RNF38: variants seen among roughly 807,000 people sequenced by gnomAD.
RNF38 encodes E3 ubiquitin-protein ligase RNF38.
In RNF38, 15 loss-of-function variants were observed where a neutral mutation model predicts 67.2. The observed-to-expected ratio is 0.22, with a 90% confidence interval of 0.15 to 0.34. The LOEUF (loss-of-function observed/expected upper bound fraction) is 0.34, where lower values mean the gene tolerates loss of function less well. Ranked by LOEUF, RNF38 falls within the 10% of genes least tolerant of loss-of-function variation. The pLI is 1.00. For synonymous variants in RNF38, 220 were observed against 218.8 expected (o/e 1.01, Z -0.05); for missense variants, 524 against 639.9 (o/e 0.82, Z 1.95).
At chr9:36,455,313 C>T (rs915874065) in intron 1 of RNF38, among the ~76,000 whole-genome samples, 10 of 151,980 alleles carry the variant, frequency 6.6e-5, no homozygotes, top group Non-Finnish European at 1.5e-4. Flanking sequence ...CCACCTGCCT[C>T]GGCCTCCCAA....
chr9:36,347,714 T>C (rs1393815194), intron 9 of RNF38, among the ~76,000 whole-genome samples: 2 of 152,170 alleles, frequency 1.3e-5, no homozygotes, highest in Non-Finnish European at 2.9e-5. Flanking sequence ...GTTATGCCAA[T>C]TAATAACCCC....
At chr9:36,417,006 C>T (rs1838492475) in intron 2 of RNF38, among the ~76,000 whole-genome samples, 1 of 152,098 alleles carries the variant, frequency 6.6e-6, no homozygotes. Flanking sequence ...CCCACCTTGG[C>T]CTCCCAAAGT....
intron 1 of RNF38, among the ~76,000 whole-genome samples, chr9:36,486,303 C>A (rs955899680): frequency 6.6e-6 from 1 of 152,146 alleles, no homozygotes; most frequent in African/African-American, 2.4e-5. Flanking sequence ...AAACGGAAAT[C>A]CCATGTATTA....
chr9:36,373,566 G>C (rs928157162), intron 3 of RNF38, among the ~76,000 whole-genome samples: 1 of 151,032 alleles, frequency 6.6e-6, no homozygotes, highest in African/African-American at 2.4e-5. Context: ...CACCTAGGTG[G>C]TGGGTGTATG....
At chr9:36,410,706 C>T (rs2134195808) in intron 2 of RNF38, among the ~76,000 whole-genome samples, 1 of 152,330 alleles carries the variant, frequency 6.6e-6, no homozygotes, top group East Asian at 1.9e-4. Flanking sequence ...CTTTCAACAA[C>T]CCTATTTTCT....
intron 1 of RNF38, among the ~76,000 whole-genome samples, chr9:36,445,674 A>G (rs1839283396): frequency 6.6e-6 from 1 of 152,224 alleles, no homozygotes; most frequent in Non-Finnish European, 1.5e-5. Flanking sequence ...AGCTGGTAAA[A>G]GACTCCTCTA....
intron 3 of RNF38, among the ~76,000 whole-genome samples, chr9:36,371,540 A>C (rs765556640): frequency 1.4e-5 from 2 of 142,740 alleles, no homozygotes; most frequent in Non-Finnish European, 3.0e-5. Context: ...TCTGCCTCCC[A>C]GGTTCAAACG....
intron 2 of RNF38, among the ~76,000 whole-genome samples, chr9:36,422,467 CTG>C (rs1459790519): frequency 6.6e-6 from 1 of 152,064 alleles, no homozygotes; most frequent in African/African-American, 2.4e-5. Flanking sequence ...AGGCTGTAAT[CTG>C]TAACTTTTCT....
At chr9:36,381,958 T>A (rs1836243615) in intron 2 of RNF38, among the ~76,000 whole-genome samples, 1 of 152,236 alleles carries the variant, frequency 6.6e-6, no homozygotes, top group South Asian at 2.1e-4. Context: ...CAAACCTTCA[T>A]GCTTCAGAAA....
At chr9:36,405,816 G>C (rs1838163902), upstream of RNF38, among the ~76,000 whole-genome samples, 1 of 152,150 alleles carries the variant, frequency 6.6e-6, no homozygotes, top group Non-Finnish European at 1.5e-5. Flanking sequence ...AATTTGAAGG[G>C]TACCGTTGCT....
chr9:36,381,062 C>T (rs578245041), intron 2 of RNF38, among the ~76,000 whole-genome samples: 48 of 152,268 alleles, frequency 3.2e-4, no homozygotes, highest in African/African-American at 1.1e-3. Context: ...GTGTTGACTT[C>T]GAGTGGAAGT....
In RNF38 at chr9:36,390,607, C is replaced by T. The variant is rs762976779; in HGVS notation, c.22G>A (p.Gly8Arg). 5.0e-6 allele frequency: 8 copies of T among 1,613,882 alleles called. No homozygotes were observed. Among genetic ancestry groups the T allele is most frequent in the Admixed American group, 1.7e-5 (1 of 60,002 alleles). ...CCAGGTAGAGATGCTGAATTGGCCC[C>T]GGGAGATATCTGGGAAAAAGAGGAA... The part of the protein sequence containing the change: MACKISP[G>R]ANSASLPGHP... The change falls in exon 2 of 12, where the codon GGG (glycine) becomes AGG (arginine). Residue 8 changes from glycine (G) to arginine (R), a missense_variant. Gly to Arg is a moderately radical substitution (Grantham distance 125). Transcript: ENST00000259605.
intron 1 of RNF38, among the ~76,000 whole-genome samples, chr9:36,469,676 A>T (rs1189401217): frequency 6.6e-6 from 1 of 151,330 alleles, no homozygotes; most frequent in East Asian, 2.0e-4. Context: ...AAAAATAAAA[A>T]ATATATATAA....
chr9:36,450,875 T>C (rs952989339), intron 1 of RNF38, among the ~76,000 whole-genome samples: 1 of 151,910 alleles, frequency 6.6e-6, no homozygotes, highest in African/African-American at 2.4e-5. Flanking sequence ...GATCGTGCCA[T>C]TGCACTCCAG....
At chr9:36,375,864 T>C in intron 3 of RNF38, 70 bp downstream of exon 3, 1 of 1,412,022 alleles carries the variant, frequency 7.1e-7, no homozygotes. Context: ...AAAAATGTTT[T>C]CTGATGTTAA....
At chr9:36,487,668 A>T, upstream of RNF38, 1 of 587,340 alleles carries the variant, frequency 1.7e-6, no homozygotes, top group Non-Finnish European at 2.0e-6. Context: ...CGGCTCCCGA[A>T]GGGGGAGGAG....
In RNF38 at chr9:36,357,775, T is replaced by C; in HGVS notation, c.738A>G (p.Pro246=). 6.2e-7 allele frequency: 1 copy of C among 1,612,890 alleles called. No individual in the cohort carries two copies. ...QHLPVCSVPP[P]MLQACSVQHL... Reference sequence around the variant, plus strand: ...AATGAGAACAAAGATAGAGACTTACTGGAGGAGGCACACTACAGACAGGGA... The same window carrying C: ...AATGAGAACAAAGATAGAGACTTACCGGAGGAGGCACACTACAGACAGGGA... Residue 246 remains proline, a splice_region_variant and synonymous_variant, in exon 5 of 12, where the codon CCA becomes CCG. Coordinates refer to ENST00000259605, the MANE Select transcript of RNF38 (RefSeq NM_022781.5).
At chr9:36,411,078 T>C (rs1035147615) in intron 2 of RNF38, among the ~76,000 whole-genome samples, 2 of 151,664 alleles carry the variant, frequency 1.3e-5, no homozygotes, top group Non-Finnish European at 2.9e-5. Flanking sequence ...ATGTAACTTA[T>C]GTAATAAGTG....
At chr9:36,419,246 T>C (rs1838556813) in intron 2 of RNF38, among the ~76,000 whole-genome samples, 1 of 152,192 alleles carries the variant, frequency 6.6e-6, no homozygotes, top group Non-Finnish European at 1.5e-5. Flanking sequence ...GCATTTTAGA[T>C]AAGCGATATT....
Sources: allele counts gnomAD v4.1 joint callset (sites outside exome capture counted in the v4.1 genomes callset), GRCh38; gene constraint gnomAD v4.1.1; transcripts MANE v1.5; gene names NCBI Gene and HGNC (gene_info 2026-07-23, HGNC 2026-07-21).